Variants in PHRF1 observed in about 807,000 individuals in gnomAD.
PHRF1 encodes the protein PHD and ring finger domains 1.
Under a neutral mutation model 128.9 loss-of-function variants are expected in PHRF1, and 53 were observed. The ratio of observed to expected loss-of-function variants is 0.41; its 90% CI spans 0.33 to 0.52. PHRF1 has a LOEUF of 0.52. PHRF1 is among the 20% of genes least tolerant of loss of function. PHRF1 has a pLI of 0.21. For synonymous variants in PHRF1, 1,178 were observed against 980.6 expected (o/e 1.20, Z -3.76); for missense variants, 2,503 against 2,284.5 (o/e 1.10, Z -1.95).
intron 9 of PHRF1, among the ~76,000 whole-genome samples, chr11:600,179 G>A (rs1004825250): frequency 2.0e-5 from 3 of 152,090 alleles, no homozygotes; most frequent in African/African-American, 7.2e-5. Flanking sequence ...GGTGCACTCA[G>A]GGATGTCAGG....
Position 597,006 on chromosome 11 carries a change from T to G in PHRF1, c.704T>G (p.Val235Gly), listed in dbSNP as rs757891068. Residue 235 changes from valine to glycine, a missense_variant, in exon 7 of 18, where the codon GTT (valine) becomes GGT (glycine). Physicochemically the swap from Val to Gly is moderately radical, Grantham distance 109. Coordinates refer to ENST00000264555, the MANE Select transcript of PHRF1 (RefSeq NM_001286581.2). The surrounding 1 kb of genome is among the most constrained non-coding windows in gnomAD (Gnocchi z 6.5). ...WFCPECAAPG[V>G]VLAADAGPVS... ...TGCCCGGAATGTGCTGCGCCTGGTGTTGTCCTTGCCGCTGGTAAGGACACT... is the reference window on the plus strand; with the variant it reads ...TGCCCGGAATGTGCTGCGCCTGGTGGTGTCCTTGCCGCTGGTAAGGACACT... 5.3e-5 allele frequency: 86 copies of G among 1,613,624 alleles called. No homozygotes were observed. Among genetic ancestry groups the G allele is most frequent in the Non-Finnish European group, 6.6e-5 (78 of 1,179,854 alleles).
chr11:594,148 G>T (rs1271448855), intron 6 of PHRF1, among the ~76,000 whole-genome samples: 2 of 152,218 alleles, frequency 1.3e-5, no homozygotes, highest in African/African-American at 4.8e-5. Context: ...AGCACTCCAT[G>T]CCCATGTGTA....
intron 10 of PHRF1, 135 bp from the exon 11 acceptor site, chr11:604,984 C>CCATT: frequency 1.2e-6 from 1 of 842,222 alleles, no homozygotes; most frequent in Non-Finnish European, 1.8e-6. Context: ...CCTGAGAAGC[C>CCATT]CATTGACTTT....
intron 1 of PHRF1, among the ~76,000 whole-genome samples, chr11:581,224 T>C (rs1397699942): frequency 6.6e-6 from 1 of 152,170 alleles, no homozygotes; most frequent in Non-Finnish European, 1.5e-5. Context: ...GTGTAAGGCT[T>C]ACTGGTGAGG....
intron 6 of PHRF1, among the ~76,000 whole-genome samples, chr11:594,112 G>GA (rs1044552734): frequency 4.0e-5 from 6 of 150,970 alleles, no homozygotes; most frequent in East Asian, 1.9e-4. Flanking sequence ...TGCTTAAAAA[G>GA]AAAAAAAAAG....
chr11:579,929 G>T (rs1854110148), intron 1 of PHRF1, among the ~76,000 whole-genome samples: 1 of 152,174 alleles, frequency 6.6e-6, no homozygotes, highest in African/African-American at 2.4e-5. Context: ...GTTGTCCAGG[G>T]GTTTCCAGAC....
intron 6 of PHRF1, 150 bp downstream of exon 6, chr11:592,824 C>A: frequency 2.6e-6 from 2 of 784,214 alleles, no homozygotes; most frequent in Non-Finnish European, 4.2e-6. Context: ...TTCAGTCCTG[C>A]GGGCCTTCCT....
chr11:576,867 GCC>G (rs1853878778), intron 1 of PHRF1, among the ~76,000 whole-genome samples: 2 of 123,556 alleles, frequency 1.6e-5, no homozygotes, highest in East Asian at 2.3e-4. Context: ...AGACTGGGAG[GCC>G]CCGCCGAGAC....
At chr11:604,972 T>G in intron 10 of PHRF1, 147 bp from the exon 11 acceptor site, 1 of 780,020 alleles carries the variant, frequency 1.3e-6, no homozygotes, top group Admixed American at 2.8e-5. Flanking sequence ...TCGGTCATCA[T>G]GCCTGAGAAG....
intron 9 of PHRF1, among the ~76,000 whole-genome samples, chr11:599,190 C>T (rs1855482597): frequency 6.7e-6 from 1 of 149,974 alleles, no homozygotes; most frequent in African/African-American, 2.5e-5. Context: ...GCGTTCTAAT[C>T]TGTGATCTTT....
chr11:579,254 C>CTACCCCCAGCCCTGCTTT (rs776925748), intron 1 of PHRF1, among the ~76,000 whole-genome samples: 1 of 149,430 alleles, frequency 6.7e-6, no homozygotes, highest in Admixed American at 6.7e-5. Flanking sequence ...AGCCCTGCTC[C>CTACCCCCAGCCCTGCTTT]TCCCCCCAGC....
intron 6 of PHRF1, among the ~76,000 whole-genome samples, chr11:595,797 G>T (rs1470501363): frequency 1.3e-5 from 2 of 152,376 alleles, no homozygotes; most frequent in Non-Finnish European, 2.9e-5. Flanking sequence ...TTCTTTGAAA[G>T]AAGGTACTGC....
Position 610,980 on chromosome 11 carries a change from G to C in PHRF1, c.4704G>C (p.Glu1568Asp). 1.2e-6 allele frequency: 2 copies of C among 1,613,438 alleles called. No homozygotes were observed. The highest frequency in any genetic ancestry group is 1.7e-6 in the Non-Finnish European group (2 of 1,179,810). ...EEYMKKLHMQ[E>D]RAVEEVKLAI... ...ACATGAAGAAGCTGCACATGCAGGA[G>C]CGTGCTGTGGAGGAGGTGAAGCTGG... The change falls in exon 17 of 18, where the codon GAG (glutamate) becomes GAC (aspartate). Residue 1568 changes from glutamate (E) to aspartate (D), a missense_variant. Transcript: ENST00000264555.
chr11:601,798 C>T (rs1855644222), intron 10 of PHRF1, 97 bp downstream of exon 10: 2 of 1,485,266 alleles, frequency 1.3e-6, no homozygotes, highest in Non-Finnish European at 1.8e-6. Context: ...CCTTGGCACC[C>T]TCGCGCGGTT....
chr11:591,513 C>T (rs375681352), intron 5 of PHRF1, 46 bp downstream of exon 5: 141 of 1,493,490 alleles, frequency 9.4e-5, no homozygotes, highest in African/African-American at 8.1e-4. Flanking sequence ...GCTTCTATCC[C>T]GGCCCTGTGG....
Position 581,993 on chromosome 11 carries a change from T to G in PHRF1, c.126T>G (p.Ser42=). 6.2e-7 allele frequency: 1 copy of G among 1,607,176 alleles called. No individual in the cohort carries two copies. Among genetic ancestry groups the G allele is most frequent in the Non-Finnish European group, 8.5e-7 (1 of 1,176,980 alleles). The change falls in exon 3 of 18, where the codon TCT becomes TCG. Residue 42 remains serine, a synonymous_variant. Coordinates refer to ENST00000264555, the MANE Select transcript of PHRF1 (RefSeq NM_001286581.2). ...EESSVGSSGD[S]GDDSDSEHGD... is the part of the protein sequence containing the mutation. ...GCAGCGTGGGCAGCAGTGGGGACTC[T>G]GGGGACGACAGTGACAGCGAGCATG...
intron 4 of PHRF1, 93 bp downstream of exon 4, chr11:587,557 T>C: frequency 7.6e-7 from 1 of 1,324,454 alleles, no homozygotes; most frequent in African/African-American, 1.5e-5. Flanking sequence ...TGTGAGGTTC[T>C]AGTTGTCTGC....
rs755754791 is a variant in PHRF1 at position 607,091 on chromosome 11, A to T, written c.1635A>T (p.Ser545=). The change falls in exon 14 of 18, where the codon TCA becomes TCT. Residue 545 remains serine (S), a synonymous_variant. Coordinates refer to ENST00000264555, the MANE Select transcript of PHRF1 (RefSeq NM_001286581.2). ...CTCCAGTTTCTTTTCAGCGAAACTC[A>T]GGCAGTCTGTCCAGAGGGGAAGAAG... The part of the protein sequence containing the change: ...RAAPVSFQRN[S]GSLSRGEEGF... The T allele has an allele frequency of 6.4e-7, 1 of 1,559,230 alleles. No individual in the cohort carries two copies. The highest frequency in any genetic ancestry group is 1.2e-5 in the South Asian group (1 of 86,300).
chr11:602,769 TG>T (rs1377836947), intron 10 of PHRF1, among the ~76,000 whole-genome samples: 39 of 147,242 alleles, frequency 2.6e-4, no homozygotes, highest in African/African-American at 8.8e-4. Context: ...TTGTTTTTTT[TG>T]TTTTTTTTTT....
Sources: allele counts gnomAD v4.1 joint callset (sites outside exome capture counted in the v4.1 genomes callset), GRCh38; gene constraint gnomAD v4.1.1; non-coding constraint Gnocchi (gnomAD v3.1); transcripts MANE v1.5; gene names NCBI Gene and HGNC (gene_info 2026-07-23, HGNC 2026-07-21).